ADAMTS13: variants seen among roughly 807,000 people sequenced by gnomAD.
The protein encoded by ADAMTS13 is A disintegrin and metalloproteinase with thrombospondin motifs 13.
Under a neutral mutation model 155.1 loss-of-function variants are expected in ADAMTS13, and 110 were observed. The ratio of observed to expected loss-of-function variants is 0.71; its 90% CI spans 0.61 to 0.83. The LOEUF is 0.83. ADAMTS13 is among the 40% of genes least tolerant of loss of function. The pLI is 0.00. For synonymous variants in ADAMTS13, 758 were observed against 756.4 expected (o/e 1.00, Z -0.03); for missense variants, 1,707 against 1,891.7 (o/e 0.90, Z 1.81).
At chr9:133,446,983 G>C (rs587708681) in intron 21 of ADAMTS13, among the ~76,000 whole-genome samples, 8 of 152,056 alleles carry the variant, frequency 5.3e-5, no homozygotes, top group African/African-American at 1.9e-4. Flanking sequence ...TCAGCCTCCC[G>C]AGTAGCTAGG....
chr9:133,438,437 G>A, intron 14 of ADAMTS13, 71 bp downstream of exon 14: 1 of 1,598,590 alleles, frequency 6.3e-7, no homozygotes, highest in Non-Finnish European at 8.5e-7. Flanking sequence ...CCAGAGCGTT[G>A]GTGCAGGGGC....
At chr9:133,429,097 C>T (rs930419008) in intron 7 of ADAMTS13, among the ~76,000 whole-genome samples, 9 of 146,790 alleles carry the variant, frequency 6.1e-5, no homozygotes, top group African/African-American at 1.1e-4. Context: ...TCCGTCCAAC[C>T]CCGCGCCCAC....
Position 133,432,675 on chromosome 9 carries a change from G to C in ADAMTS13, c.1075G>C (p.Glu359Gln), listed in dbSNP as rs1490193869. 1 of 1,558,430 alleles carries C rather than the reference G, an allele frequency of 6.4e-7. No homozygotes were observed. The highest frequency in any genetic ancestry group is 8.7e-7 in the Non-Finnish European group (1 of 1,150,690). The change falls in exon 9 of 29, where the codon GAA (glutamate) becomes CAA (glutamine). Residue 359 changes from glutamate (E) to glutamine (Q), a missense_variant. Glu to Gln is a conservative substitution (Grantham distance 29, BLOSUM62 2). Around this residue, in one of 3 missense-constraint regions of ADAMTS13, gnomAD observed 733 missense variants for 749.6 expected, o/e 0.98. Coordinates refer to ENST00000355699, the MANE Select transcript of ADAMTS13 (RefSeq NM_139027.6). ...RLLVPLLDGTECGVEKWCSKG... is the reference protein window; with the variant it reads ...RLLVPLLDGTQCGVEKWCSKG... ...CCTCGTTCCTCTCCTGGATGGGACAGAATGTGGCGTGGAGAAGGTCAGAGC... is the reference window on the plus strand; with the variant it reads ...CCTCGTTCCTCTCCTGGATGGGACACAATGTGGCGTGGAGAAGGTCAGAGC...
chr9:133,429,968 C>G lies in ADAMTS13; in HGVS notation c.854C>G (p.Pro285Arg). The G allele has an allele frequency of 6.5e-7, 1 of 1,541,226 alleles. No homozygotes were observed. The highest frequency in any genetic ancestry group is 1.2e-5 in the South Asian group (1 of 85,056). ...SAGRARCVWDPPRPQPGSAGH... is the reference protein window; with the variant it reads ...SAGRARCVWDRPRPQPGSAGH... ...GGACGGGCGCGCTGCGTGTGGGACC[C>G]GCCGCGGCCTCAACCCGGGTCCGCG... Residue 285 changes from proline to arginine, a missense_variant, in exon 8 of 29, where the codon CCG becomes CGG. Coordinates refer to ENST00000355699, the MANE Select transcript of ADAMTS13 (RefSeq NM_139027.6).
At chr9:133,428,945 G>A (rs1554786126) in intron 7 of ADAMTS13, among the ~76,000 whole-genome samples, 174 bp downstream of exon 7, 1 of 100,152 alleles carries the variant, frequency 1.0e-5, no homozygotes, top group South Asian at 3.8e-4. Context: ...GTCCGTGGAG[G>A]GGCGGGCGCG....
intron 14 of ADAMTS13, among the ~76,000 whole-genome samples, chr9:133,439,143 G>T (rs1554789967): frequency 6.6e-6 from 1 of 152,180 alleles, no homozygotes; most frequent in Non-Finnish European, 1.5e-5. Flanking sequence ...GCCCCACTGT[G>T]CTGGAGAACC....
rs2130866087 is a variant in ADAMTS13 at position 133,440,646 on chromosome 9, CA to C, written c.1968+122del. On this transcript the variant is annotated intron_variant, in intron 16 of 28. Coordinates refer to ENST00000355699, the MANE Select transcript of ADAMTS13 (RefSeq NM_139027.6). This position sits in a 1 kb window ranked among gnomAD's most constrained non-coding sequence, Gnocchi z 4.3. ...CATTTATTCATTCAGCGGTCACTTACAGGGGACCCACTATGTGTTGGGCCCT... is the reference window on the plus strand; with the variant it reads ...CATTTATTCATTCAGCGGTCACTTACGGGGACCCACTATGTGTTGGGCCCT... The C allele has an allele frequency of 8.1e-7, 1 of 1,229,004 alleles. No homozygotes were observed. The highest frequency in any genetic ancestry group is 1.1e-6 in the Non-Finnish European group (1 of 902,322). 76.1% of individuals were successfully genotyped at this position (1,229,004 alleles called of 1,614,324 possible).
Position 133,437,873 on chromosome 9 carries a change from C to A in ADAMTS13, c.1560C>A (p.Ser520Arg). Reference protein sequence around the residue: ...PSGPREDGTLSLCVSGSCRTF... With the variant: ...PSGPREDGTLRLCVSGSCRTF... ...GCCCCCGGGAGGACGGGACCCTGAGCCTGTGTGTGTCGGGCAGCTGCAGGG... is the reference window on the plus strand; with the variant it reads ...GCCCCCGGGAGGACGGGACCCTGAGACTGTGTGTGTCGGGCAGCTGCAGGG... Residue 520 changes from serine to arginine, a missense_variant, in exon 13 of 29, where the codon AGC becomes AGA. By Grantham distance (110) the Ser-to-Arg change is moderately radical. Coordinates refer to ENST00000355699, the MANE Select transcript of ADAMTS13 (RefSeq NM_139027.6). 1.2e-6 allele frequency: 2 copies of A among 1,613,796 alleles called. No homozygotes were observed. The highest frequency in any genetic ancestry group is 1.7e-6 in the Non-Finnish European group (2 of 1,180,004).
Position 133,422,529 on chromosome 9 carries a change from G to T in ADAMTS13, c.86G>T (p.Gly29Val). 1 of 1,614,120 alleles carries T rather than the reference G, an allele frequency of 6.2e-7. No individual in the cohort carries two copies. The highest frequency in any genetic ancestry group is 8.5e-7 in the Non-Finnish European group (1 of 1,180,022). Residue 29 changes from glycine to valine, a missense_variant, in exon 1 of 29, where the codon GGA (glycine) becomes GTA (valine). By Grantham distance (109) the Gly-to-Val change is moderately radical (BLOSUM62 -3). Transcript: ENST00000355699. ...LACGFLLGCW[G>V]PSHFQQSCLQ... ...TGTGGCTTTCTCCTGGGCTGCTGGG[G>T]ACCCTCCCATTTCCAGCAGGTGGGC...
intron 18 of ADAMTS13, among the ~76,000 whole-genome samples, 189 bp downstream of exon 18, chr9:133,442,932 G>T (rs1180583874): frequency 6.6e-6 from 1 of 152,246 alleles, no homozygotes; most frequent in Non-Finnish European, 1.5e-5. Context: ...TGCAGGTGAG[G>T]ACACTGAGGC....
chr9:133,449,558 T>G (rs1842299178), intron 22 of ADAMTS13, among the ~76,000 whole-genome samples: 2 of 152,120 alleles, frequency 1.3e-5, no homozygotes, highest in African/African-American at 4.8e-5. Context: ...ACATCTGTCG[T>G]TTGCCCTCAC....
At chr9:133,449,055 A>G (rs1842260621) in intron 22 of ADAMTS13, among the ~76,000 whole-genome samples, 1 of 152,204 alleles carries the variant, frequency 6.6e-6, no homozygotes, top group Non-Finnish European at 1.5e-5. Context: ...CACCAGTGGG[A>G]GCAGGTCATT....
chr9:133,424,492 G>A lies in ADAMTS13; in HGVS notation c.330+14G>A, dbSNP rs781984753. The A allele has an allele frequency of 1.6e-5, 25 of 1,608,342 alleles. No homozygotes were observed. The South Asian group carries it at 2.2e-4, about 14-fold the overall frequency. On this transcript the variant is annotated intron_variant, in intron 3 of 28. Transcript: ENST00000355699. The surrounding 1 kb of genome is among the most constrained non-coding windows in gnomAD (Gnocchi z 4.3). The stretch of plus-strand genomic sequence containing the variant: ...AACCTCAACATCGTGAGTGCCCCAC[G>A]CTGGACTGTGCAGGTCCCCACGGCC...
intron 11 of ADAMTS13, among the ~76,000 whole-genome samples, chr9:133,435,668 T>TA (rs1419456654): frequency 9.2e-5 from 14 of 151,896 alleles, no homozygotes; most frequent in Admixed American, 9.2e-4. Context: ...TAGCTGGGAC[T>TA]ACAGACGCCC....
At chr9:133,443,289 G>C in intron 18 of ADAMTS13, 87 bp from the exon 19 acceptor site, 1 of 1,479,778 alleles carries the variant, frequency 6.8e-7, no homozygotes, top group African/African-American at 1.4e-5. Context: ...GTCCCAGACC[G>C]GGGGAGTACA....
At chr9:133,447,473 A>G (rs1554792991) in intron 21 of ADAMTS13, among the ~76,000 whole-genome samples, 1 of 151,814 alleles carries the variant, frequency 6.6e-6, no homozygotes, top group East Asian at 1.9e-4. Flanking sequence ...GGATCTCCCT[A>G]TGTTGCCCAG....
At chr9:133,451,230 C>T (rs1394291621) in intron 23 of ADAMTS13, among the ~76,000 whole-genome samples, 2 of 152,208 alleles carry the variant, frequency 1.3e-5, no homozygotes, top group Non-Finnish European at 2.9e-5. Context: ...TAGCATCCTA[C>T]TGCCATGTTT....
In ADAMTS13 at chr9:133,445,409, G is replaced by A. The variant is rs1841990542; in HGVS notation, c.2611-290G>A. Among the ~76,000 whole-genome samples the A allele has an allele frequency of 6.6e-6, 1 of 152,192 alleles. No individual in the cohort carries two copies. Among genetic ancestry groups the A allele is most frequent in the Non-Finnish European group, 1.5e-5 (1 of 68,022 alleles). On this transcript the variant is annotated intron_variant, in intron 20 of 28. Transcript: ENST00000355699. This position sits in a 1 kb window ranked among gnomAD's most constrained non-coding sequence, Gnocchi z 5.0. ...GGCAACCCTCGCCCCTCATGGCTGG[G>A]GGGATTGCAGGGCCAGGCATGCTCC... is the stretch of plus-strand genomic sequence containing the variant.
rs181961521 is a variant in ADAMTS13 at position 133,434,233 on chromosome 9, C to T, written c.1308+529C>T. Among the ~76,000 whole-genome samples the T allele has an allele frequency of 2.6e-5, 4 of 152,294 alleles. No individual in the cohort carries two copies. In the East Asian group the frequency reaches 7.7e-4, roughly 29 times the overall value. On this transcript the variant is annotated intron_variant, in intron 11 of 28. Transcript: ENST00000355699. ...CTGAGTGCCACTTTGCCCTCCAGAG[C>T]GCATCTCTGCAGGGAGAACCTCCCC... is the stretch of plus-strand genomic sequence containing the variant.
Sources: allele counts gnomAD v4.1 joint callset (sites outside exome capture counted in the v4.1 genomes callset), GRCh38; gene constraint gnomAD v4.1.1; regional missense constraint gnomAD v4.1.1; non-coding constraint Gnocchi (gnomAD v3.1); transcripts MANE v1.5; gene names NCBI Gene and HGNC (gene_info 2026-07-23, HGNC 2026-07-21).